The following HEBP1 variants were observed in gnomAD, a reference collection of about 807,000 sequenced individuals.
HEBP1 encodes heme binding protein 1.
Under a neutral mutation model 20.4 loss-of-function variants are expected in HEBP1, and 13 were observed. The observed-to-expected ratio is 0.64, with a 90% confidence interval of 0.42 to 1.01. The LOEUF (loss-of-function observed/expected upper bound fraction) is 1.01, where lower values mean the gene tolerates loss of function less well. HEBP1 is among the 50% of genes least tolerant of loss of function. The pLI is 0.00. For synonymous variants in HEBP1, 92 were observed against 90.7 expected (o/e 1.01, Z -0.08); for missense variants, 241 against 247.3 (o/e 0.97, Z 0.17).
chr12:12,984,568 A>G (rs1864129592), intron 3 of HEBP1: 1 of 152,250 alleles, frequency 6.6e-6, no homozygotes, highest in Non-Finnish European at 1.5e-5. Flanking sequence ...CAAATGATCC[A>G]CAGATGGAAA....
At chr12:12,989,243 C>T (rs560452444) in intron 2 of HEBP1, 34 bp downstream of exon 2, 21 of 1,611,010 alleles carry the variant, frequency 1.3e-5, no homozygotes, top group African/African-American at 9.3e-5. Flanking sequence ...AGCTGGTCCC[C>T]GAGACCAGAG....
At chr12:12,975,969 C>T (rs1863976587) in intron 3 of HEBP1, among the ~76,000 whole-genome samples, 2 of 151,754 alleles carry the variant, frequency 1.3e-5, no homozygotes, top group African/African-American at 4.8e-5. Context: ...GCTAATGCCC[C>T]TTCCACAGCA....
At chr12:12,987,614 C>CTCTCTT (rs1864170074) in intron 2 of HEBP1, among the ~76,000 whole-genome samples, 1 of 84,778 alleles carries the variant, frequency 1.2e-5, no homozygotes. Flanking sequence ...CTCTCTCTTT[C>CTCTCTT]TCTCTCTCTC....
In HEBP1 at chr12:12,987,293, A is replaced by G. The variant is rs1171963479; in HGVS notation, c.257T>C (p.Val86Ala). ...CAGAGAGCCATCTTCATTGGGGAAC[A>G]CAGCAAAGGAAATAGGGACTGTCAT... is the stretch of plus-strand genomic sequence containing the variant. ...MGMTVPISFA[V>A]FPNEDGSLQK... Residue 86 changes from valine (V) to alanine (A), a missense_variant, in exon 3 of 4, where the codon GTG becomes GCG. By Grantham distance (64) the Val-to-Ala change is moderately conservative. Transcript: ENST00000014930. The G allele has an allele frequency of 3.1e-6, 5 of 1,614,004 alleles. No individual in the cohort carries two copies. Among genetic ancestry groups the G allele is most frequent in the Non-Finnish European group, 8.5e-7 (1 of 1,180,012 alleles).
intron 1 of HEBP1, among the ~76,000 whole-genome samples, chr12:12,997,079 G>A (rs1218974418): frequency 6.6e-6 from 1 of 152,166 alleles, no homozygotes; most frequent in East Asian, 1.9e-4. Flanking sequence ...GAAATAGATG[G>A]AAAAGATATT....
Position 12,996,650 on chromosome 12 carries a change from T to A in HEBP1, c.78+3387A>T, listed in dbSNP as rs1223009633. On this transcript the variant is annotated intron_variant, in intron 1 of 3. Transcript: ENST00000014930. The surrounding 1 kb of genome is among the most constrained non-coding windows in gnomAD (Gnocchi z 4.1). The stretch of plus-strand genomic sequence containing the variant: ...AATAATACCTTTATGTTTGTATATT[T>A]AAAAAAAAAAAGGTTTACAAGTATC... Among the ~76,000 whole-genome samples the A allele has an allele frequency of 6.6e-6, 1 of 150,688 alleles. No homozygotes were observed. The highest frequency in any genetic ancestry group is 2.5e-5 in the African/African-American group (1 of 40,730).
intron 3 of HEBP1, 121 bp from the exon 4 acceptor site, chr12:12,975,600 G>C (rs1863970342): frequency 1.3e-6 from 1 of 784,508 alleles, no homozygotes; most frequent in East Asian, 3.1e-5. Flanking sequence ...GGTAAGACTG[G>C]GGACTGAGTC....
Position 12,996,563 on chromosome 12 carries a change from T to C in HEBP1, c.78+3474A>G, listed in dbSNP as rs1432018618. Among the ~76,000 whole-genome samples the C allele has an allele frequency of 2.0e-5, 3 of 152,074 alleles. No individual in the cohort carries two copies. The highest frequency in any genetic ancestry group is 7.2e-5 in the African/African-American group (3 of 41,396). On this transcript the variant is annotated intron_variant, in intron 1 of 3. Transcript: ENST00000014930. This position sits in a 1 kb window ranked among gnomAD's most constrained non-coding sequence, Gnocchi z 4.1. ...ATCATTTGCCCAGGAGAGTGGACAA[T>C]AGTTTCTGACCCAGGCTGTTTCCAG...
chr12:12,997,224 T>C (rs755047852), intron 1 of HEBP1, among the ~76,000 whole-genome samples: 1 of 152,164 alleles, frequency 6.6e-6, no homozygotes, highest in African/African-American at 2.4e-5. Context: ...GAGTTCTCCT[T>C]ATCCCAGAGG....
At chr12:12,990,529 C>G (rs1864209251) in intron 1 of HEBP1, among the ~76,000 whole-genome samples, 1 of 152,114 alleles carries the variant, frequency 6.6e-6, no homozygotes, top group Admixed American at 6.6e-5. Flanking sequence ...AATCAGACTT[C>G]ATTGACTCTA....
intron 1 of HEBP1, among the ~76,000 whole-genome samples, chr12:12,991,656 C>T (rs1864227280): frequency 6.6e-6 from 1 of 152,220 alleles, no homozygotes; most frequent in Non-Finnish European, 1.5e-5. Context: ...AAAAAAATCA[C>T]AATCCACAAG....
chr12:12,977,176 A>C (rs1864001033), intron 3 of HEBP1, among the ~76,000 whole-genome samples: 2 of 152,320 alleles, frequency 1.3e-5, no homozygotes, highest in South Asian at 4.1e-4. Context: ...GTCTTAAGCT[A>C]ATTCTAAAAT....
In HEBP1 at chr12:13,000,119, T is replaced by C; in HGVS notation, c.-5A>G. ...GTTCTTGATCATGCCCAACATGTTG[T>C]AGCCGAGACGCTCCCGACGCACGGG... On this transcript the variant is annotated 5_prime_UTR_variant, in exon 1 of 4. Transcript: ENST00000014930. 1 of 1,596,516 alleles carries C rather than the reference T, an allele frequency of 6.3e-7. No individual in the cohort carries two copies. Among genetic ancestry groups the C allele is most frequent in the Non-Finnish European group, 8.5e-7 (1 of 1,169,742 alleles).
rs79109080 is a variant in HEBP1 at position 12,998,139 on chromosome 12, C to T, written c.78+1898G>A. Reference sequence around the variant, plus strand: ...CTCCTAATACTCCCTATTCCTCACTCCCCTGCTTGCTTTTCTTCACAGCAC... The same window carrying T: ...CTCCTAATACTCCCTATTCCTCACTTCCCTGCTTGCTTTTCTTCACAGCAC... On this transcript the variant is annotated intron_variant, in intron 1 of 3. Transcript: ENST00000014930. The surrounding 1 kb of genome is among the most constrained non-coding windows in gnomAD (Gnocchi z 4.2). Among the ~76,000 whole-genome samples, 2 of 151,108 alleles carry T rather than the reference C, an allele frequency of 1.3e-5. No individual in the cohort carries two copies. The highest frequency in any genetic ancestry group is 2.4e-5 in the African/African-American group (1 of 40,988).
chr12:12,976,572 T>C (rs1863991202), intron 3 of HEBP1, among the ~76,000 whole-genome samples: 1 of 152,238 alleles, frequency 6.6e-6, no homozygotes, highest in Non-Finnish European at 1.5e-5. Flanking sequence ...CTCTGAATCA[T>C]GCTTTGCTCT....
chr12:12,997,740 C>T (rs1199210302), intron 1 of HEBP1, among the ~76,000 whole-genome samples: 1 of 152,170 alleles, frequency 6.6e-6, no homozygotes, highest in Non-Finnish European at 1.5e-5. Flanking sequence ...ACGAACCAGC[C>T]CAGACCCCTC....
At chr12:12,984,737 A>G (rs1220785589) in intron 3 of HEBP1, 1 of 152,252 alleles carries the variant, frequency 6.6e-6, no homozygotes, top group African/African-American at 2.4e-5. Context: ...GGCTGCAGTG[A>G]GCTATGATCA....
chr12:12,991,914 A>G (rs1591576733), intron 1 of HEBP1, among the ~76,000 whole-genome samples: 1 of 152,232 alleles, frequency 6.6e-6, no homozygotes, highest in African/African-American at 2.4e-5. Flanking sequence ...ACAATCTGCA[A>G]TAAAGCCTTT....
intron 3 of HEBP1, chr12:12,983,991 C>A: frequency 2.8e-5 from 8 of 288,022 alleles, no homozygotes; most frequent in South Asian, 2.5e-4. Context: ...AACAGTGGGG[C>A]AATTAGAGCA....
Sources: gnomAD v4.1 joint callset for allele counts (sites outside exome capture counted in the v4.1 genomes callset) on GRCh38, gnomAD v4.1.1 for gene constraint, Gnocchi (gnomAD v3.1) non-coding constraint, MANE v1.5 for transcripts, NCBI Gene and HGNC (gene_info 2026-07-23, HGNC 2026-07-21) for gene names.